Variants in CDH12 observed in about 807,000 individuals in gnomAD.
CDH12 encodes the protein cadherin-12.
CDH12 carries 41 observed loss-of-function variants against 74.1 expected under a neutral mutation model. The observed-to-expected ratio is 0.55, with a 90% confidence interval of 0.43 to 0.72. The LOEUF is 0.72. Ranked by LOEUF, CDH12 falls within the 30% of genes least tolerant of loss-of-function variation. The pLI is 0.00. For synonymous variants in CDH12, 399 were observed against 355.0 expected (o/e 1.12, Z -1.39); for missense variants, 945 against 977.2 (o/e 0.97, Z 0.44).
At chr5:21,842,509 A>G (rs912928373) in intron 7 of CDH12, among the ~76,000 whole-genome samples, 181 bp from the exon 8 acceptor site, 1 of 152,160 alleles carries the variant, frequency 6.6e-6, no homozygotes, top group Non-Finnish European at 1.5e-5. Context: ...CATAATTTAA[A>G]ATATTATAGT....
chr5:22,171,273 A>C (rs1749015216), intron 4 of CDH12, among the ~76,000 whole-genome samples: 1 of 151,826 alleles, frequency 6.6e-6, no homozygotes, highest in Non-Finnish European at 1.5e-5. Context: ...ACCACACAGG[A>C]ATCTCTAATG....
At chr5:22,140,726 C>T (rs1302356067) in intron 4 of CDH12, among the ~76,000 whole-genome samples, 1 of 152,144 alleles carries the variant, frequency 6.6e-6, no homozygotes, top group African/African-American at 2.4e-5. Context: ...TTTATCACAA[C>T]AGAATGTTCT....
rs574315026 is a variant in CDH12 at position 21,963,898 on chromosome 5, C to A, written c.526+11193G>T. On this transcript the variant is annotated intron_variant, in intron 6 of 14. Coordinates refer to ENST00000382254, the MANE Select transcript of CDH12 (RefSeq NM_004061.5). ...GTAATTCCTTGTTTACACCTATAATCTTCCTCTCCTGTTTTCCTAGTTTCT... is the reference window on the plus strand; with the variant it reads ...GTAATTCCTTGTTTACACCTATAATATTCCTCTCCTGTTTTCCTAGTTTCT... Among the ~76,000 whole-genome samples, 269 of 152,204 alleles carry A rather than the reference C, an allele frequency of 1.8e-3. 3 individuals are homozygous for A. The highest frequency in any genetic ancestry group is 5.9e-3 in the African/African-American group (246 of 41,564).
intron 1 of CDH12, among the ~76,000 whole-genome samples, chr5:22,681,054 G>C (rs1319672661): frequency 2.0e-5 from 3 of 151,892 alleles, no homozygotes; most frequent in African/African-American, 7.3e-5. Context: ...CAAGTAGAAG[G>C]TATCTAAGAA....
In CDH12 at chr5:21,951,537, C is replaced by T. The variant is rs185547544; in HGVS notation, c.526+23554G>A. Among the ~76,000 whole-genome samples, 545 of 152,322 alleles carry T rather than the reference C, an allele frequency of 3.6e-3. 4 individuals are homozygous for T. The highest frequency in any genetic ancestry group is 0.012 in the African/African-American group (506 of 41,576). ...TGCTGGGATTACAGGCGTAAGTCAT[C>T]GTGCCCAGCTAAGATTTCTAATATT... On this transcript the variant is annotated intron_variant, in intron 6 of 14. Transcript: ENST00000382254.
At chr5:22,452,880 CAAA>C (rs768945480) in intron 2 of CDH12, among the ~76,000 whole-genome samples, 2 of 32,196 alleles carry the variant, frequency 6.2e-5, no homozygotes, top group African/African-American at 2.9e-4. Context: ...AACCTAAGAG[CAAA>C]AAAAAAAAAA....
At chr5:22,294,098 T>C (rs1344394006) in intron 3 of CDH12, among the ~76,000 whole-genome samples, 1 of 152,064 alleles carries the variant, frequency 6.6e-6, no homozygotes, top group Non-Finnish European at 1.5e-5. Flanking sequence ...ACATATAATT[T>C]TGTCAGTTTA....
intron 3 of CDH12, among the ~76,000 whole-genome samples, chr5:22,388,215 C>T (rs1364280489): frequency 6.6e-6 from 1 of 152,022 alleles, no homozygotes; most frequent in East Asian, 1.9e-4. Context: ...ATTAAACTCT[C>T]TTGGCTTCTG....
At chr5:22,260,815 T>C (rs747895042) in intron 3 of CDH12, among the ~76,000 whole-genome samples, 3 of 151,970 alleles carry the variant, frequency 2.0e-5, no homozygotes, top group Non-Finnish European at 2.9e-5. Context: ...CAACATTTGG[T>C]AAAAATCAAA....
At chr5:22,625,355 A>T (rs949405628) in intron 1 of CDH12, among the ~76,000 whole-genome samples, 2 of 152,202 alleles carry the variant, frequency 1.3e-5, no homozygotes, top group African/African-American at 4.8e-5. Context: ...AAAAAAAGAA[A>T]GAGGCAAGTT....
At chr5:22,571,566 T>G (rs554302406) in intron 1 of CDH12, among the ~76,000 whole-genome samples, 1 of 152,212 alleles carries the variant, frequency 6.6e-6, no homozygotes, top group South Asian at 2.1e-4. Flanking sequence ...ACCTCAGGTG[T>G]TCCACCCGCC....
chr5:22,219,868 T>C (rs548469935), intron 3 of CDH12, among the ~76,000 whole-genome samples: 1 of 151,838 alleles, frequency 6.6e-6, no homozygotes, highest in African/African-American at 2.4e-5. Flanking sequence ...TTAAATGAGT[T>C]AGTAGATACA....
At chr5:22,812,054 G>A (rs1320092103) in intron 1 of CDH12, among the ~76,000 whole-genome samples, 2 of 152,094 alleles carry the variant, frequency 1.3e-5, no homozygotes, top group East Asian at 3.9e-4. Context: ...GATTTTAAAG[G>A]AATCTGAATC....
At chr5:21,855,023 G>A (rs1174897137) in intron 6 of CDH12, among the ~76,000 whole-genome samples, 1 of 151,684 alleles carries the variant, frequency 6.6e-6, no homozygotes, top group Non-Finnish European at 1.5e-5. Flanking sequence ...CCATTTCCAG[G>A]AGCTGGATCA....
chr5:22,450,103 C>G (rs1744983797), intron 2 of CDH12, among the ~76,000 whole-genome samples: 1 of 151,960 alleles, frequency 6.6e-6, no homozygotes, highest in South Asian at 2.1e-4. Context: ...ATTATTATTT[C>G]TATGACTTCT....
At chr5:22,781,929 G>T (rs1381272471) in intron 1 of CDH12, among the ~76,000 whole-genome samples, 1 of 152,162 alleles carries the variant, frequency 6.6e-6, no homozygotes, top group African/African-American at 2.4e-5. Flanking sequence ...GGAACTTTAA[G>T]ATTTAATGAC....
intron 6 of CDH12, among the ~76,000 whole-genome samples, chr5:21,860,724 A>G (rs531275856): frequency 2.0e-5 from 3 of 151,018 alleles, no homozygotes; most frequent in African/African-American, 4.9e-5. Context: ...TCAGACTCCA[A>G]GTTCTTTGGC....
chr5:22,273,519 G>A (rs1379891301), intron 3 of CDH12, among the ~76,000 whole-genome samples: 2 of 151,996 alleles, frequency 1.3e-5, no homozygotes, highest in African/African-American at 4.8e-5. Flanking sequence ...ATATTAGCTT[G>A]GTGCAAATTG....
intron 3 of CDH12, among the ~76,000 whole-genome samples, chr5:22,362,888 A>G (rs1002830610): frequency 3.8e-4 from 52 of 136,642 alleles, no homozygotes; most frequent in Non-Finnish European, 1.1e-4. Context: ...CAATGAGAAC[A>G]CTTGGACACA....
Sources: gnomAD v4.1 joint callset for allele counts (sites outside exome capture counted in the v4.1 genomes callset) on GRCh38, gnomAD v4.1.1 for gene constraint, MANE v1.5 for transcripts, NCBI Gene and HGNC (gene_info 2026-07-23, HGNC 2026-07-21) for gene names.